BBX: variants seen among roughly 807,000 people sequenced by gnomAD.
The protein encoded by BBX is HMG box transcription factor BBX.
BBX carries 30 observed loss-of-function variants against 100.2 expected under a neutral mutation model. The ratio of observed to expected loss-of-function variants is 0.30; its 90% CI spans 0.22 to 0.41. The LOEUF (loss-of-function observed/expected upper bound fraction) is 0.41. Among genes scored for constraint, BBX ranks in the 10% least tolerant of loss-of-function variants. The pLI, the probability that BBX is intolerant of heterozygous loss-of-function variation, is 1.00. For missense variants in BBX, 1,023 were observed against 1,129.8 expected, an observed-to-expected ratio of 0.91 and a Z score of 1.35; for synonymous variants, 376 against 388.1, an observed-to-expected ratio of 0.97 and a Z score of 0.37.
At chr3:107,661,891 G>A (rs999114723) in intron 3 of BBX, 3 of 985,334 alleles carry the variant, frequency 3.0e-6, no homozygotes, top group Non-Finnish European at 3.6e-6. Context: ...TGTTATAGAT[G>A]TGGAGGATTC....
intron 3 of BBX, among the ~76,000 whole-genome samples, chr3:107,693,094 A>G (rs1316002798): frequency 4.8e-5 from 7 of 147,024 alleles, no homozygotes; most frequent in Admixed American, 1.4e-4. Flanking sequence ...GATTCTGGAT[A>G]TTAGCCCTTT....
chr3:107,710,710 A>G, intron 4 of BBX, 88 bp downstream of exon 4: 2 of 1,267,522 alleles, frequency 1.6e-6, no homozygotes, highest in Non-Finnish European at 2.1e-6. Context: ...GATATTACAA[A>G]AGTGTTTCCA....
intron 2 of BBX, among the ~76,000 whole-genome samples, chr3:107,553,561 G>A (rs1272551656): frequency 6.6e-6 from 1 of 152,144 alleles, no homozygotes; most frequent in Non-Finnish European, 1.5e-5. Flanking sequence ...GTGGGAGGAG[G>A]GACCTGGGGC....
At chr3:107,587,990 A>G (rs1176737471) in intron 2 of BBX, among the ~76,000 whole-genome samples, 1 of 152,230 alleles carries the variant, frequency 6.6e-6, no homozygotes, top group Non-Finnish European at 1.5e-5. Context: ...AAAAACTAGT[A>G]CAAGAGTCAC....
chr3:107,624,124 C>T (rs1053313770), intron 2 of BBX, among the ~76,000 whole-genome samples: 21 of 152,262 alleles, frequency 1.4e-4, no homozygotes, highest in Non-Finnish European at 2.6e-4. Flanking sequence ...AGTGTAACTC[C>T]GAGAAAGCTT....
chr3:107,805,406 G>A lies in BBX; in HGVS notation c.2775G>A (p.Gln925=). The A allele has an allele frequency of 6.2e-7, 1 of 1,614,060 alleles. No individual in the cohort carries two copies. The highest frequency in any genetic ancestry group is 8.5e-7 in the Non-Finnish European group (1 of 1,179,952). Residue 925 remains glutamine (Q), a synonymous_variant, in exon 18 of 18, where the codon CAG becomes CAA. Coordinates refer to ENST00000325805, the MANE Select transcript of BBX (RefSeq NM_001142568.3). ...CAACTCCGCTCACCCATGATGGACAGCCAAAAGAAATGCCGCAGGCTCCTG... is the reference window on the plus strand; with the variant it reads ...CAACTCCGCTCACCCATGATGGACAACCAAAAGAAATGCCGCAGGCTCCTG... ...QRSTPLTHDG[Q]PKEMPQAPVL...
At chr3:107,550,694 T>C (rs2049594428) in intron 2 of BBX, among the ~76,000 whole-genome samples, 1 of 152,154 alleles carries the variant, frequency 6.6e-6, no homozygotes, top group Non-Finnish European at 1.5e-5. Flanking sequence ...GAGGTCATAG[T>C]TGCCAGGCCA....
chr3:107,662,267 G>A (rs189181107), intron 3 of BBX, among the ~76,000 whole-genome samples: 2 of 152,282 alleles, frequency 1.3e-5, no homozygotes, highest in African/African-American at 2.4e-5. Flanking sequence ...GAAGAGAGAT[G>A]AGGAAAGAGA....
At chr3:107,541,820 A>AC in intron 2 of BBX, among the ~76,000 whole-genome samples, 1 of 145,020 alleles carries the variant, frequency 6.9e-6, no homozygotes, top group African/African-American at 2.5e-5. Flanking sequence ...AAATTCTATA[A>AC]TTTTTTTTTT....
intron 2 of BBX, among the ~76,000 whole-genome samples, chr3:107,630,051 A>G (rs1301728105): frequency 6.6e-6 from 1 of 152,148 alleles, no homozygotes; most frequent in Non-Finnish European, 1.5e-5. Flanking sequence ...CACAAATACT[A>G]TCAATTTTTA....
chr3:107,537,289 A>G (rs1055227654), intron 2 of BBX, among the ~76,000 whole-genome samples: 1 of 152,238 alleles, frequency 6.6e-6, no homozygotes, highest in Non-Finnish European at 1.5e-5. Context: ...GCTATGTAAC[A>G]TATCTGAAAG....
At chr3:107,622,200 C>G (rs1167575630) in intron 2 of BBX, among the ~76,000 whole-genome samples, 3 of 152,148 alleles carry the variant, frequency 2.0e-5, no homozygotes, top group Non-Finnish European at 2.9e-5. Flanking sequence ...TGGTATACAA[C>G]CTTTTGAGAT....
At chr3:107,621,574 G>A (rs2055770232) in intron 2 of BBX, among the ~76,000 whole-genome samples, 1 of 152,160 alleles carries the variant, frequency 6.6e-6, no homozygotes. Context: ...ACATTGGAAT[G>A]GGTCTTTCAA....
chr3:107,790,433 T>G (rs1357030661), intron 14 of BBX, among the ~76,000 whole-genome samples: 7 of 152,122 alleles, frequency 4.6e-5, no homozygotes, highest in African/African-American at 1.4e-4. Context: ...ACATGCCTGT[T>G]ACTTGAAAGG....
At position 107,696,336 on chromosome 3, in the gene BBX, C is replaced by T. The variant is rs371743108; in HGVS notation, c.-9-14116C>T. Among the ~76,000 whole-genome samples, 102 of 151,774 alleles carry T rather than the reference C, an allele frequency of 6.7e-4. No homozygotes were observed. The East Asian group carries it at 0.014, about 21-fold the overall frequency. On this transcript the variant is annotated intron_variant, in intron 3 of 17. Coordinates refer to ENST00000325805, the MANE Select transcript of BBX (RefSeq NM_001142568.3). Reference sequence around the variant, plus strand: ...GGCATGATTTTGCAGTGGCTGGTACCGGTTGTTCCTTTCCATGTTTAGTGC... The same window carrying T: ...GGCATGATTTTGCAGTGGCTGGTACTGGTTGTTCCTTTCCATGTTTAGTGC...
intron 2 of BBX, among the ~76,000 whole-genome samples, chr3:107,530,534 G>A (rs896626819): frequency 1.3e-5 from 2 of 152,054 alleles, no homozygotes; most frequent in Non-Finnish European, 2.9e-5. Flanking sequence ...CATGGTCCTC[G>A]GATGAAAAGT....
intron 2 of BBX, among the ~76,000 whole-genome samples, chr3:107,616,088 T>C (rs2055254265): frequency 6.7e-6 from 1 of 148,182 alleles, no homozygotes; most frequent in African/African-American, 2.5e-5. Flanking sequence ...AAACTTTTTA[T>C]TTTGAGATAA....
intron 7 of BBX, among the ~76,000 whole-genome samples, chr3:107,735,929 CTGG>C (rs2063606834): frequency 6.6e-6 from 1 of 151,786 alleles, no homozygotes; most frequent in African/African-American, 2.4e-5. Context: ...ATTGTGGTAA[CTGG>C]GTCTGTGATG....
chr3:107,530,732 A>T (rs527536216), intron 2 of BBX, among the ~76,000 whole-genome samples: 23 of 152,258 alleles, frequency 1.5e-4, no homozygotes, highest in Non-Finnish European at 2.9e-4. Context: ...GAGGTATATT[A>T]TAAAAAATAC....
Sources: allele counts gnomAD v4.1 joint callset (sites outside exome capture counted in the v4.1 genomes callset), GRCh38; gene constraint gnomAD v4.1.1; transcripts MANE v1.5; gene names NCBI Gene and HGNC (gene_info 2026-07-23, HGNC 2026-07-21).